The following DNAI7 variants were observed in gnomAD, a reference collection of about 807,000 sequenced individuals.
DNAI7 encodes the protein dynein axonemal intermediate chain 7, also known as cancer susceptibility 1.
A neutral mutation model predicts 86.6 loss-of-function variants in DNAI7; 78 were observed. That is an observed-to-expected ratio of 0.90 (90% CI 0.75 to 1.09). The LOEUF (loss-of-function observed/expected upper bound fraction) is 1.09, where lower values mean the gene tolerates loss of function less well. Ranked by LOEUF, DNAI7 falls within the 50% of genes least tolerant of loss-of-function variation. The pLI is 0.00. For missense variants in DNAI7, 753 were observed against 810.2 expected, an observed-to-expected ratio of 0.93 and a Z score of 0.86; for synonymous variants, 274 against 273.0, an observed-to-expected ratio of 1.00 and a Z score of -0.04.
At chr12:25,107,720 T>C (rs903542728), downstream of DNAI7, 5 of 1,180,312 alleles carry the variant, frequency 4.2e-6, no homozygotes, top group Non-Finnish European at 6.1e-6. Flanking sequence ...GTTTTGGGGG[T>C]ATGAAGGGCA....
At chr12:25,160,978 AG>A (rs1464093781) in intron 3 of DNAI7, 134 bp downstream of exon 3, 5 of 598,430 alleles carry the variant, frequency 8.4e-6, no homozygotes, top group Non-Finnish European at 1.5e-5. Context: ...ACTTTCTAAA[AG>A]ATAGATACCT....
intron 1 of DNAI7, among the ~76,000 whole-genome samples, chr12:25,192,060 A>G (rs1298841439): frequency 6.6e-6 from 1 of 152,234 alleles, no homozygotes; most frequent in Non-Finnish European, 1.5e-5. Context: ...TATTACACTA[A>G]TTCACTCGGC....
chr12:25,107,983 G>C, downstream of DNAI7: 2 of 1,614,158 alleles, frequency 1.2e-6, no homozygotes, highest in Non-Finnish European at 1.7e-6. Context: ...CACACAGCAA[G>C]AGGACTCATG....
chr12:25,189,597 A>T (rs1237149498), intron 2 of DNAI7, among the ~76,000 whole-genome samples: 1 of 152,138 alleles, frequency 6.6e-6, no homozygotes, highest in Non-Finnish European at 1.5e-5. Context: ...AGCCAAGACC[A>T]TGCCACTGCA....
At chr12:25,151,342 A>G (rs1174361308) in intron 6 of DNAI7, among the ~76,000 whole-genome samples, 4 of 152,216 alleles carry the variant, frequency 2.6e-5, no homozygotes, top group Non-Finnish European at 5.9e-5. Context: ...AATAAATTTG[A>G]AAATTTGGAA....
intron 9 of DNAI7, among the ~76,000 whole-genome samples, chr12:25,138,002 G>GAA (rs549791649): frequency 4.4e-5 from 6 of 137,292 alleles, no homozygotes; most frequent in South Asian, 2.3e-4. Flanking sequence ...ACAGAAAATG[G>GAA]AAAAAAAAAA....
intron 15 of DNAI7, 49 bp downstream of exon 15, chr12:25,110,078 A>T: frequency 2.2e-6 from 2 of 906,740 alleles, no homozygotes; most frequent in Non-Finnish European, 3.6e-6. Flanking sequence ...TGAGTACTTT[A>T]TCTTCTTTTG....
At position 25,161,201 on chromosome 12, in the gene DNAI7, AACAAAGGCCACATC is replaced by A; in HGVS notation, c.22-18_22-5del. On this transcript the variant is annotated splice_region_variant and splice_polypyrimidine_tract_variant and intron_variant, in intron 2 of 15. Transcript: ENST00000395987. ...CTTTCTTTTTCTTACTGCCAGACTTAACAAAGGCCACATCATAAAAAAGGCTATTAACATGCAAG... is the reference window on the plus strand; with the variant it reads ...CTTTCTTTTTCTTACTGCCAGACTTAATAAAAAAGGCTATTAACATGCAAG... 6.2e-7 allele frequency: 1 copy of A among 1,612,526 alleles called. No individual in the cohort carries two copies. Among genetic ancestry groups the A allele is most frequent in the Non-Finnish European group, 8.5e-7 (1 of 1,178,654 alleles).
chr12:25,172,520 A>C (rs551746598), intron 2 of DNAI7, among the ~76,000 whole-genome samples: 3 of 152,318 alleles, frequency 2.0e-5, no homozygotes, highest in Admixed American at 6.5e-5. Context: ...GAAAATAACC[A>C]TACTGCCAAA....
At chr12:25,138,321 G>C (rs1271419573) in intron 9 of DNAI7, among the ~76,000 whole-genome samples, 1 of 152,096 alleles carries the variant, frequency 6.6e-6, no homozygotes, top group Non-Finnish European at 1.5e-5. Flanking sequence ...AAAATAGCTG[G>C]GCATGGTGGC....
At chr12:25,123,780 G>A (rs1040879560) in intron 9 of DNAI7, among the ~76,000 whole-genome samples, 2 of 152,166 alleles carry the variant, frequency 1.3e-5, no homozygotes, top group South Asian at 2.1e-4. Context: ...GTCTAAATCT[G>A]CCACTAACTT....
At chr12:25,140,462 T>C (rs1323619114) in intron 9 of DNAI7, among the ~76,000 whole-genome samples, 1 of 151,536 alleles carries the variant, frequency 6.6e-6, no homozygotes, top group Non-Finnish European at 1.5e-5. Flanking sequence ...CAAAAATAAA[T>C]AAATAAATAA....
chr12:25,153,362 G>A (rs1225336253), intron 6 of DNAI7, among the ~76,000 whole-genome samples: 7 of 152,062 alleles, frequency 4.6e-5, no homozygotes, highest in Non-Finnish European at 7.4e-5. Flanking sequence ...TAGAGGTTGC[G>A]GTAAGCCGAG....
rs1465960674 is a variant in DNAI7, at chr12:25,108,290, AT to A, written c.*257del. ...GCTTTTTAAGGAAGAAATATTATAT[AT>A]TGTTTGTTAAAGTTTATTGAAATAA... On this transcript the variant is annotated 3_prime_UTR_variant, in exon 16 of 16. Transcript: ENST00000395987. 3 of 556,980 alleles carry A rather than the reference AT, an allele frequency of 5.4e-6. No individual in the cohort carries two copies. The African/African-American group carries it at 5.7e-5, about 11-fold the overall frequency. 34.5% of individuals were successfully genotyped at this position (556,980 alleles called of 1,614,324 possible).
At chr12:25,112,560 C>T (rs892498166) in intron 13 of DNAI7, among the ~76,000 whole-genome samples, 1 of 151,868 alleles carries the variant, frequency 6.6e-6, no homozygotes, top group African/African-American at 2.4e-5. Flanking sequence ...GCGCCCACCA[C>T]CACACCCGGC....
At chr12:25,164,897 G>A (rs377599046) in intron 2 of DNAI7, among the ~76,000 whole-genome samples, 1 of 1,110 alleles carries the variant, frequency 9.0e-4, no homozygotes, top group African/African-American at 1.5e-3. Flanking sequence ...CCTCACACCC[G>A]GTCCGGCTTA....
chr12:25,157,009 C>G (rs1946251690), intron 4 of DNAI7, among the ~76,000 whole-genome samples: 1 of 152,134 alleles, frequency 6.6e-6, no homozygotes, highest in Admixed American at 6.5e-5. Flanking sequence ...TACAACTTGG[C>G]CGGGCGCAGT....
intron 9 of DNAI7, among the ~76,000 whole-genome samples, chr12:25,138,658 C>T (rs1330099002): frequency 6.6e-6 from 1 of 151,908 alleles, no homozygotes; most frequent in African/African-American, 2.4e-5. Flanking sequence ...TTGAACTGAA[C>T]AATAATAGTG....
intron 2 of DNAI7, among the ~76,000 whole-genome samples, chr12:25,187,624 T>A (rs1328509056): frequency 2.0e-5 from 3 of 152,126 alleles, no homozygotes; most frequent in Non-Finnish European, 4.4e-5. Context: ...CTGCCTTGAT[T>A]GTGATAGCAA....
Sources: allele counts gnomAD v4.1 joint callset (sites outside exome capture counted in the v4.1 genomes callset), GRCh38; gene constraint gnomAD v4.1.1; transcripts MANE v1.5; gene names NCBI Gene and HGNC (gene_info 2026-07-23, HGNC 2026-07-21).